Variants in PCED1B observed in about 807,000 individuals in gnomAD.
PCED1B encodes PC-esterase domain containing 1B.
For synonymous variants in PCED1B, 251 were observed against 246.1 expected, an observed-to-expected ratio of 1.02 and a Z score of -0.19; for missense variants, 573 against 573.9, an observed-to-expected ratio of 1.00 and a Z score of 0.02.
chr12:47,182,527 A>C (rs1012053463), intron 2 of PCED1B, among the ~76,000 whole-genome samples: 1 of 151,326 alleles, frequency 6.6e-6, no homozygotes, highest in Non-Finnish European at 1.5e-5. Context: ...GGAGGTGGAG[A>C]TTGCAGTGAG....
At chr12:47,190,791 A>G (rs1942416908) in intron 2 of PCED1B, among the ~76,000 whole-genome samples, 1 of 152,224 alleles carries the variant, frequency 6.6e-6, no homozygotes, top group Non-Finnish European at 1.5e-5. Flanking sequence ...CAAATTGGCT[A>G]CAGCATGAGG....
intron 2 of PCED1B, among the ~76,000 whole-genome samples, chr12:47,106,907 G>A (rs1223071574): frequency 6.6e-6 from 1 of 151,776 alleles, no homozygotes; most frequent in South Asian, 2.1e-4. Flanking sequence ...CCTTCCCTTT[G>A]TGGCACCTTT....
intron 1 of PCED1B, among the ~76,000 whole-genome samples, chr12:47,095,071 ATTTTTTTT>A (rs34778482): frequency 1.8e-5 from 2 of 113,828 alleles, no homozygotes; most frequent in East Asian, 2.3e-4. Context: ...TGTGCCCACA[ATTTTTTTT>A]TTTTTTTTTT....
intron 2 of PCED1B, chr12:47,208,568 T>A (rs1942980733): frequency 6.6e-6 from 1 of 151,962 alleles, no homozygotes; most frequent in South Asian, 2.1e-4. Flanking sequence ...GAGACAGGGT[T>A]TCTCCATGTT....
chr12:47,148,494 G>A (rs1387574204), intron 2 of PCED1B, among the ~76,000 whole-genome samples: 1 of 152,166 alleles, frequency 6.6e-6, no homozygotes, highest in Non-Finnish European at 1.5e-5. Context: ...ATCTGCTATA[G>A]CAAATTTACA....
At chr12:47,119,558 A>G (rs1363390941) in intron 2 of PCED1B, among the ~76,000 whole-genome samples, 1 of 152,140 alleles carries the variant, frequency 6.6e-6, no homozygotes, top group East Asian at 1.9e-4. Context: ...GAAAACTATT[A>G]AAAACTTTTG....
intron 1 of PCED1B, among the ~76,000 whole-genome samples, chr12:47,092,401 T>C (rs1207775229): frequency 6.6e-6 from 1 of 152,120 alleles, no homozygotes; most frequent in Non-Finnish European, 1.5e-5. Context: ...TATTCTCTTA[T>C]TAATTCTAAG....
intron 2 of PCED1B, among the ~76,000 whole-genome samples, chr12:47,113,964 AAAC>A (rs1454418706): frequency 6.5e-5 from 6 of 91,778 alleles, no homozygotes; most frequent in African/African-American, 2.5e-4. Flanking sequence ...AAGAAAAAAA[AAAC>A]ACACACACAC....
intron 1 of PCED1B, among the ~76,000 whole-genome samples, chr12:47,088,458 TG>T (rs1217310703): frequency 6.6e-6 from 1 of 152,092 alleles, no homozygotes; most frequent in Non-Finnish European, 1.5e-5. Context: ...TCAAAACCCC[TG>T]GGGACTCGAA....
chr12:47,218,008 T>G (rs1051594097), intron 3 of PCED1B, among the ~76,000 whole-genome samples: 2 of 152,156 alleles, frequency 1.3e-5, no homozygotes, highest in Admixed American at 1.3e-4. Context: ...TAACTGGAAA[T>G]CTCCCTTAAC....
At chr12:47,192,986 A>C (rs1942492862) in intron 2 of PCED1B, among the ~76,000 whole-genome samples, 1 of 152,098 alleles carries the variant, frequency 6.6e-6, no homozygotes, top group Non-Finnish European at 1.5e-5. Flanking sequence ...CCATATTTGC[A>C]AGCAGAGTAC....
At chr12:47,178,866 C>CA (rs35135157) in intron 2 of PCED1B, among the ~76,000 whole-genome samples, 31,864 of 80,736 alleles carry the variant, frequency 0.39, 4,574 homozygotes, top group East Asian at 0.62. Context: ...GACTCCATCT[C>CA]AAAAAAAAAA....
chr12:47,222,966 T>C (rs760779817), intron 3 of PCED1B, among the ~76,000 whole-genome samples: 6 of 152,106 alleles, frequency 3.9e-5, no homozygotes, highest in Non-Finnish European at 8.8e-5. Flanking sequence ...CAGAACTGTT[T>C]GGGGCAAATA....
chr12:47,214,527 G>A (rs1943189890), intron 2 of PCED1B, among the ~76,000 whole-genome samples: 1 of 152,044 alleles, frequency 6.6e-6, no homozygotes, highest in East Asian at 1.9e-4. Context: ...AACATTTTTG[G>A]CCAGGCTCGG....
In PCED1B at chr12:47,207,389, C is replaced by A. The variant is rs532930677; in HGVS notation, c.-525-8833C>A. Among the ~76,000 whole-genome samples, 5 of 152,052 alleles carry A rather than the reference C, an allele frequency of 3.3e-5. No homozygotes were observed. The South Asian group carries it at 1.0e-3, about 32-fold the overall frequency. ...AATTAGCTCTATGAAAGAGGAAGCCCTGTGCCACCTCCCCAGAGCTGTGTG... is the reference window on the plus strand; with the variant it reads ...AATTAGCTCTATGAAAGAGGAAGCCATGTGCCACCTCCCCAGAGCTGTGTG... On this transcript the variant is annotated intron_variant, in intron 2 of 3. Transcript: ENST00000546455.
intron 2 of PCED1B, among the ~76,000 whole-genome samples, chr12:47,143,971 C>T (rs186560316): frequency 3.9e-5 from 6 of 152,256 alleles, no homozygotes; most frequent in African/African-American, 1.2e-4. Context: ...TTTAGCATTG[C>T]CCTAGTTGGG....
intron 2 of PCED1B, among the ~76,000 whole-genome samples, chr12:47,181,645 G>T (rs1166720958): frequency 6.6e-6 from 1 of 151,876 alleles, no homozygotes; most frequent in African/African-American, 2.4e-5. Flanking sequence ...GGGATTACAG[G>T]CATGAGTGAC....
At chr12:47,192,172 TG>T (rs370823874) in intron 2 of PCED1B, among the ~76,000 whole-genome samples, 60 of 150,596 alleles carry the variant, frequency 4.0e-4, no homozygotes, top group African/African-American at 1.2e-3. Context: ...TTTTTTTTTT[TG>T]TTTTTTTTTT....
chr12:47,228,441 G>C (rs1943699455), intron 3 of PCED1B, among the ~76,000 whole-genome samples: 1 of 152,110 alleles, frequency 6.6e-6, no homozygotes, highest in Non-Finnish European at 1.5e-5. Context: ...CATCTCTCCT[G>C]GGCAGAGGAG....
Sources: allele counts gnomAD v4.1 joint callset (sites outside exome capture counted in the v4.1 genomes callset), GRCh38; gene constraint gnomAD v4.1.1; transcripts MANE v1.5; gene names NCBI Gene and HGNC (gene_info 2026-07-23, HGNC 2026-07-21).